Variants in NKAIN3 observed in about 807,000 individuals in gnomAD.
NKAIN3 encodes the protein sodium/potassium-transporting ATPase subunit beta-1-interacting protein 3.
In NKAIN3, 25 loss-of-function variants were observed where a neutral mutation model predicts 30.2. The observed-to-expected ratio is 0.83, with a 90% CI of 0.60 to 1.16. The LOEUF (loss-of-function observed/expected upper bound fraction) is 1.16. NKAIN3 is among the 50% of genes most tolerant of loss of function. The pLI, the probability that NKAIN3 is intolerant of heterozygous loss-of-function variation, is 0.00. For missense variants in NKAIN3, 225 were observed against 254.1 expected (o/e 0.89, Z 0.78); for synonymous variants, 91 against 89.6 (o/e 1.02, Z -0.09).
intron 3 of NKAIN3, 89 bp downstream of exon 3, chr8:62,589,883 G>GTGTC: frequency 1.0e-4 from 10 of 95,364 alleles, no homozygotes; most frequent in Non-Finnish European, 2.0e-4. Context: ...TATTGTGTGT[G>GTGTC]TGTGTGTGTG....
chr8:62,307,485 C>G (rs2129588398), intron 1 of NKAIN3, among the ~76,000 whole-genome samples: 1 of 150,112 alleles, frequency 6.7e-6, no homozygotes, highest in Non-Finnish European at 1.5e-5. Context: ...GCGTCAGACA[C>G]TTTACTAAGT....
At chr8:62,329,663 C>T (rs1815273347) in intron 1 of NKAIN3, among the ~76,000 whole-genome samples, 1 of 152,090 alleles carries the variant, frequency 6.6e-6, no homozygotes, top group African/African-American at 2.4e-5. Flanking sequence ...CTGCAAAGGG[C>T]ATGATTTTGT....
intron 1 of NKAIN3, among the ~76,000 whole-genome samples, chr8:62,301,125 TAAGTTTAATAAA>T (rs1814035054): frequency 6.6e-6 from 1 of 152,078 alleles, no homozygotes; most frequent in South Asian, 2.1e-4. Context: ...GTCGAATTCA[TAAGTTTAATAAA>T]ATTAAATCAA....
chr8:62,758,582 A>G (rs1290240432), intron 4 of NKAIN3, among the ~76,000 whole-genome samples: 2 of 152,180 alleles, frequency 1.3e-5, no homozygotes, highest in African/African-American at 4.8e-5. Context: ...ACTCCCAGGA[A>G]AGACAGGGGA....
chr8:62,882,079 C>T lies in NKAIN3; in HGVS notation c.472-36374C>T, dbSNP rs117967657. Among the ~76,000 whole-genome samples the T allele has an allele frequency of 4.6e-5, 7 of 152,144 alleles. No individual in the cohort carries two copies. In the East Asian group the frequency reaches 1.2e-3, roughly 25 times the overall value. On this transcript the variant is annotated intron_variant, in intron 4 of 6. Coordinates refer to ENST00000623646, the MANE Select transcript of NKAIN3 (RefSeq NM_001304533.3). The stretch of plus-strand genomic sequence containing the variant: ...GAGCTGTGTATTCAGATCTTTGGGC[C>T]ATTTTTTAATAGAGTTATTCATTTT...
At chr8:62,304,702 C>CTGA (rs946211128) in intron 1 of NKAIN3, among the ~76,000 whole-genome samples, 12 of 150,302 alleles carry the variant, frequency 8.0e-5, no homozygotes, top group Admixed American at 7.9e-4. Flanking sequence ...CACTCCTGAC[C>CTGA]TGATATTCTA....
At chr8:62,574,755 C>T (rs534000780) in intron 1 of NKAIN3, among the ~76,000 whole-genome samples, 1 of 152,166 alleles carries the variant, frequency 6.6e-6, no homozygotes, top group South Asian at 2.1e-4. Flanking sequence ...GAGGTGAGAT[C>T]ATATCTTATT....
chr8:62,554,270 G>A (rs1420916223), intron 1 of NKAIN3, among the ~76,000 whole-genome samples: 1 of 152,110 alleles, frequency 6.6e-6, no homozygotes, highest in Non-Finnish European at 1.5e-5. Flanking sequence ...ACATCAGTGA[G>A]CTAACAAGAA....
intron 1 of NKAIN3, among the ~76,000 whole-genome samples, chr8:62,575,991 A>C (rs2130042096): frequency 6.6e-6 from 1 of 152,250 alleles, no homozygotes; most frequent in African/African-American, 2.4e-5. Context: ...GCCTAAATCT[A>C]AGACCTCAAA....
At chr8:62,714,064 C>A (rs1475048774) in intron 3 of NKAIN3, among the ~76,000 whole-genome samples, 1 of 152,008 alleles carries the variant, frequency 6.6e-6, no homozygotes, top group Non-Finnish European at 1.5e-5. Context: ...GATCAGCAGG[C>A]AATATAATTT....
chr8:62,501,452 A>G (rs1032888724), intron 1 of NKAIN3, among the ~76,000 whole-genome samples: 33 of 151,988 alleles, frequency 2.2e-4, no homozygotes, highest in African/African-American at 8.0e-4. Context: ...TGCTTTCTCA[A>G]TTCCTCCTGA....
intron 1 of NKAIN3, among the ~76,000 whole-genome samples, chr8:62,452,704 C>T (rs1805685352): frequency 6.6e-6 from 1 of 152,014 alleles, no homozygotes; most frequent in Non-Finnish European, 1.5e-5. Flanking sequence ...TAATTTATCC[C>T]TTATCATTAC....
At chr8:62,716,200 C>G (rs1563529195) in intron 3 of NKAIN3, among the ~76,000 whole-genome samples, 4 of 152,072 alleles carry the variant, frequency 2.6e-5, no homozygotes, top group Non-Finnish European at 5.9e-5. Flanking sequence ...TTCCACAGCC[C>G]TTTTTTGTCA....
At chr8:62,345,538 T>C (rs924774818) in intron 1 of NKAIN3, among the ~76,000 whole-genome samples, 3 of 144,116 alleles carry the variant, frequency 2.1e-5, no homozygotes, top group East Asian at 2.3e-4. Flanking sequence ...TATACACACA[T>C]ATATACACAT....
chr8:62,584,262 TAACA>T (rs1810402926), intron 2 of NKAIN3, among the ~76,000 whole-genome samples: 1 of 152,182 alleles, frequency 6.6e-6, no homozygotes, highest in Admixed American at 6.6e-5. Flanking sequence ...CATTTCAAAA[TAACA>T]AACACTTTGG....
At chr8:62,687,955 C>T (rs1376960591) in intron 3 of NKAIN3, among the ~76,000 whole-genome samples, 2 of 152,224 alleles carry the variant, frequency 1.3e-5, no homozygotes, top group Admixed American at 1.3e-4. Context: ...AAAGGGGAAA[C>T]TACCAAGAGA....
At chr8:62,313,770 A>G (rs925949040) in intron 1 of NKAIN3, among the ~76,000 whole-genome samples, 4 of 152,212 alleles carry the variant, frequency 2.6e-5, no homozygotes, top group Admixed American at 6.5e-5. Context: ...AAAGAAGACA[A>G]ACAGCACAAC....
chr8:62,779,230 G>A lies in NKAIN3; in HGVS notation c.471+32101G>A, dbSNP rs550612269. Among the ~76,000 whole-genome samples, 5 of 152,144 alleles carry A rather than the reference G, an allele frequency of 3.3e-5. No homozygotes were observed. In the South Asian group the frequency reaches 1.0e-3, roughly 32 times the overall value. On this transcript the variant is annotated intron_variant, in intron 4 of 6. Coordinates refer to ENST00000623646, the MANE Select transcript of NKAIN3 (RefSeq NM_001304533.3). ...ACTGATGTAGCTGGCATCTCACTAG[G>A]TCACATGCTCCCCAAGTTCACTGGC...
At chr8:62,751,631 C>A (rs562157273) in intron 4 of NKAIN3, among the ~76,000 whole-genome samples, 2 of 152,018 alleles carry the variant, frequency 1.3e-5, no homozygotes, top group East Asian at 1.9e-4. Context: ...ATTTAATACT[C>A]TTCTATTAAA....
Sources: allele counts gnomAD v4.1 joint callset (sites outside exome capture counted in the v4.1 genomes callset), GRCh38; gene constraint gnomAD v4.1.1; transcripts MANE v1.5; gene names NCBI Gene and HGNC (gene_info 2026-07-23, HGNC 2026-07-21).